Variants in NBEA observed in about 807,000 individuals in gnomAD.
The protein encoded by NBEA is lysosomal-trafficking regulator 2.
A neutral mutation model predicts 343.4 loss-of-function variants in NBEA; 44 were observed. The observed-to-expected ratio is 0.13, with a 90% CI of 0.10 to 0.16. NBEA has a LOEUF of 0.16. Among genes scored for constraint, NBEA ranks in the 10% least tolerant of loss-of-function variants. The pLI is 1.00. For missense variants in NBEA, 2,555 were observed against 3,631.3 expected (o/e 0.70, Z 7.62); for synonymous variants, 1,175 against 1,238.7 (o/e 0.95, Z 1.08).
rs767038648 is a variant in NBEA at position 35,655,718 on chromosome 13, G to T, written c.8331G>T (p.Arg2777=). 5.3e-5 allele frequency: 85 copies of T among 1,613,658 alleles called. No individual in the cohort carries two copies. The Admixed American group carries it at 1.4e-3, about 27-fold the overall frequency. The change falls in exon 55 of 59, where the codon CGG becomes CGT. Residue 2777 remains arginine (R), a synonymous_variant. Transcript: ENST00000379939. ...TGCTGCTCTGGTACTGGAGTGGGCG[G>T]CACCATATCATAGGAGACAACCCTA... ...ATLLLWYWSG[R]HHIIGDNPNS...
At chr13:35,010,638 C>CT (rs2061453028) in intron 1 of NBEA, among the ~76,000 whole-genome samples, 1 of 142,222 alleles carries the variant, frequency 7.0e-6, no homozygotes, top group Non-Finnish European at 1.5e-5. Context: ...ATCCCAGCAG[C>CT]TTGGGGAATC....
intron 41 of NBEA, among the ~76,000 whole-genome samples, chr13:35,519,171 T>C (rs1323589351): frequency 6.6e-6 from 1 of 152,232 alleles, no homozygotes; most frequent in Non-Finnish European, 1.5e-5. Flanking sequence ...ACTTCTTTTG[T>C]CTTCCTTTCC....
At chr13:35,229,937 A>T (rs745350837) in intron 33 of NBEA, among the ~76,000 whole-genome samples, 2 of 152,108 alleles carry the variant, frequency 1.3e-5, no homozygotes, top group African/African-American at 4.8e-5. Flanking sequence ...TCCATTTAGA[A>T]TATTTTGCTG....
chr13:35,211,933 G>A (rs950754687), intron 33 of NBEA, among the ~76,000 whole-genome samples: 2 of 152,028 alleles, frequency 1.3e-5, no homozygotes, highest in African/African-American at 4.8e-5. Context: ...TACCTTATCT[G>A]TCATGATTAA....
At chr13:35,031,082 C>A (rs2062196964) in intron 1 of NBEA, among the ~76,000 whole-genome samples, 1 of 151,662 alleles carries the variant, frequency 6.6e-6, no homozygotes, top group Non-Finnish European at 1.5e-5. Context: ...CAATACTCTA[C>A]AATTCAAGTG....
At chr13:35,564,980 C>A (rs2080064537) in intron 44 of NBEA, among the ~76,000 whole-genome samples, 1 of 152,142 alleles carries the variant, frequency 6.6e-6, no homozygotes, top group Non-Finnish European at 1.5e-5. Flanking sequence ...TTAAAACAAA[C>A]AAACAAACAA....
chr13:35,454,394 C>T (rs987240396), intron 40 of NBEA, among the ~76,000 whole-genome samples: 7 of 152,254 alleles, frequency 4.6e-5, no homozygotes, highest in African/African-American at 9.6e-5. Flanking sequence ...TACATCAATA[C>T]GTAACTGTTT....
chr13:35,136,259 C>A (rs2067721703), intron 17 of NBEA, among the ~76,000 whole-genome samples: 1 of 152,116 alleles, frequency 6.6e-6, no homozygotes, highest in South Asian at 2.1e-4. Flanking sequence ...CTTAATAATC[C>A]CCACATTAGA....
intron 42 of NBEA, 102 bp downstream of exon 42, chr13:35,550,696 G>T (rs2079277882): frequency 2.7e-6 from 2 of 746,610 alleles, no homozygotes; most frequent in South Asian, 3.6e-5. Flanking sequence ...TATTTCTGAT[G>T]TGCTCTAGCT....
intron 36 of NBEA, among the ~76,000 whole-genome samples, chr13:35,316,118 C>G (rs2037697380): frequency 6.6e-6 from 1 of 151,710 alleles, no homozygotes; most frequent in Non-Finnish European, 1.5e-5. Context: ...TTATTATTTT[C>G]TAATATTATA....
intron 41 of NBEA, among the ~76,000 whole-genome samples, chr13:35,539,950 A>G (rs2078744882): frequency 6.7e-6 from 1 of 148,590 alleles, no homozygotes; most frequent in Non-Finnish European, 1.5e-5. Flanking sequence ...AAAGTGCACT[A>G]GTATTTGTAA....
At chr13:35,367,314 A>T (rs1381335359) in intron 38 of NBEA, among the ~76,000 whole-genome samples, 1 of 151,320 alleles carries the variant, frequency 6.6e-6, no homozygotes, top group Non-Finnish European at 1.5e-5. Flanking sequence ...TGGTAGAAGT[A>T]TCTTTACTAA....
intron 16 of NBEA, among the ~76,000 whole-genome samples, chr13:35,119,679 G>A (rs1329361810): frequency 1.3e-5 from 2 of 152,064 alleles, no homozygotes; most frequent in African/African-American, 4.8e-5. Context: ...TCCACTTCCC[G>A]GGTTCACGCC....
chr13:35,566,465 T>C (rs1254054961), intron 44 of NBEA, among the ~76,000 whole-genome samples: 1 of 152,214 alleles, frequency 6.6e-6, no homozygotes, highest in Non-Finnish European at 1.5e-5. Context: ...TTTCAGGGCC[T>C]CTGACTGGCA....
At chr13:35,090,014 A>C (rs1327164858) in intron 10 of NBEA, among the ~76,000 whole-genome samples, 1 of 151,662 alleles carries the variant, frequency 6.6e-6, no homozygotes, top group East Asian at 1.9e-4. Flanking sequence ...TACATATGTA[A>C]CTAATGTGCA....
At chr13:35,410,834 A>G (rs979197019) in intron 38 of NBEA, among the ~76,000 whole-genome samples, 12 of 152,164 alleles carry the variant, frequency 7.9e-5, no homozygotes, top group African/African-American at 2.9e-4. Context: ...AAACTCTGAA[A>G]ATTGCACTTG....
intron 10 of NBEA, among the ~76,000 whole-genome samples, chr13:35,082,375 CAT>C (rs1281340875): frequency 6.6e-6 from 1 of 152,174 alleles, no homozygotes; most frequent in Non-Finnish European, 1.5e-5. Context: ...CCTCAATAAA[CAT>C]ATGTGTGCAT....
chr13:35,623,170 T>A (rs1274589909), intron 48 of NBEA, among the ~76,000 whole-genome samples: 1 of 152,180 alleles, frequency 6.6e-6, no homozygotes, highest in African/African-American at 2.4e-5. Flanking sequence ...AGCTTAGTAA[T>A]CAAGTATTTC....
intron 34 of NBEA, among the ~76,000 whole-genome samples, chr13:35,268,879 T>A (rs2033905807): frequency 6.6e-6 from 1 of 152,114 alleles, no homozygotes; most frequent in Non-Finnish European, 1.5e-5. Context: ...TTTAAAGTGC[T>A]AAAATGATAG....
Sources: allele counts gnomAD v4.1 joint callset (sites outside exome capture counted in the v4.1 genomes callset), GRCh38; gene constraint gnomAD v4.1.1; transcripts MANE v1.5; gene names NCBI Gene and HGNC (gene_info 2026-07-23, HGNC 2026-07-21).